OTOG: variants seen among roughly 807,000 people sequenced by gnomAD.
The protein encoded by OTOG is otogelin.
A neutral mutation model predicts 313.8 loss-of-function variants in OTOG; 296 were observed. That is an observed-to-expected ratio of 0.94 (90% confidence interval 0.86 to 1.04). The LOEUF (loss-of-function observed/expected upper bound fraction) is 1.04, where lower values mean the gene tolerates loss of function less well. Among genes scored for constraint, OTOG ranks in the 50% least tolerant of loss-of-function variants. The pLI is 0.00. For synonymous variants in OTOG, 1,533 were observed against 1,554.9 expected, an observed-to-expected ratio of 0.99 and a Z score of 0.33; for missense variants, 3,948 against 3,840.1, an observed-to-expected ratio of 1.03 and a Z score of -0.74.
rs116668827 is a variant in OTOG, at chr11:17,635,592, G to T, written c.7694-18G>T. Reference sequence around the variant, plus strand: ...ATGAGAGGACTGCTGTGACAGCATTGACCCTCTTCCCCCTCAGCCTGTGGT... The same window carrying T: ...ATGAGAGGACTGCTGTGACAGCATTTACCCTCTTCCCCCTCAGCCTGTGGT... On this transcript the variant is annotated intron_variant, in intron 46 of 55. Coordinates refer to ENST00000399397, the MANE Select transcript of OTOG (RefSeq NM_001292063.2). 9.3e-4 allele frequency: 1,431 copies of T among 1,542,064 alleles called. 19 individuals carry two copies. The African/African-American group carries it at 0.018, about 19-fold the overall frequency.
chr11:17,548,032 C>G, intron 2 of OTOG, 45 bp downstream of exon 2: 4 of 1,110,854 alleles, frequency 3.6e-6, no homozygotes, highest in Non-Finnish European at 4.9e-6. Context: ...AGCTCCCATC[C>G]GTATTTCTGG....
chr11:17,596,159 G>A lies in OTOG; in HGVS notation c.3525+5G>A. ...TTTGAGATCTGCCACCCTGTGGTGA[G>A]TGTACCCCAGCCTCGGCTCCTCCCG... On this transcript the variant is annotated splice_donor_5th_base_variant and intron_variant, in intron 29 of 55. Transcript: ENST00000399397. 6.5e-7 allele frequency: 1 copy of A among 1,543,704 alleles called. No homozygotes were observed. The highest frequency in any genetic ancestry group is 2.4e-5 in the East Asian group (1 of 40,862).
chr11:17,638,750 A>G (rs1847906103), intron 48 of OTOG: 2 of 1,542,850 alleles, frequency 1.3e-6, no homozygotes, highest in Non-Finnish European at 1.8e-6. Flanking sequence ...TCTCTCTAGG[A>G]TAAAAGAAGG....
chr11:17,597,736 T>C (rs1028927817), intron 30 of OTOG, among the ~76,000 whole-genome samples: 1 of 152,208 alleles, frequency 6.6e-6, no homozygotes, highest in Non-Finnish European at 1.5e-5. Context: ...TATTTTTTAT[T>C]TATTCCCACG....
At chr11:17,577,604 T>C (rs1852560929) in intron 22 of OTOG, among the ~76,000 whole-genome samples, 1 of 152,164 alleles carries the variant, frequency 6.6e-6, no homozygotes, top group African/African-American at 2.4e-5. Context: ...GGCCTTCATT[T>C]CCTCTTTGGC....
At chr11:17,579,625 T>G (rs1343632182) in intron 23 of OTOG, among the ~76,000 whole-genome samples, 1 of 152,222 alleles carries the variant, frequency 6.6e-6, no homozygotes, top group Non-Finnish European at 1.5e-5. Flanking sequence ...CAAGCAACCC[T>G]AGGCCTGACC....
At chr11:17,609,357 C>A (rs1853467174) in intron 35 of OTOG, 148 bp downstream of exon 35, 2 of 737,256 alleles carry the variant, frequency 2.7e-6, no homozygotes, top group South Asian at 3.6e-5. Flanking sequence ...ACAGGGGATG[C>A]AGAGGCCTCA....
In OTOG at chr11:17,634,251, A is replaced by G. The variant is rs1854204991; in HGVS notation, c.7450A>G (p.Lys2484Glu). The change falls in exon 44 of 56, where the codon AAG becomes GAG. Residue 2484 changes from lysine to glutamate, a missense_variant. By Grantham distance (56) the Lys-to-Glu change is moderately conservative. Transcript: ENST00000399397. Reference protein sequence around the residue: ...FGEVALLLPTKDPCCLGTVCV... With the variant: ...FGEVALLLPTEDPCCLGTVCV... Reference sequence around the variant, plus strand: ...GGAGGTGGCCTTGCTCCTACCCACCAAGGACCCCTGCTGCCTGGGGACTGT... The same window carrying G: ...GGAGGTGGCCTTGCTCCTACCCACCGAGGACCCCTGCTGCCTGGGGACTGT... 1.3e-6 allele frequency: 2 copies of G among 1,550,328 alleles called. No individual in the cohort carries two copies. The highest frequency in any genetic ancestry group is 2.0e-5 in the Admixed American group (1 of 50,992).
intron 19 of OTOG, among the ~76,000 whole-genome samples, 171 bp from the exon 20 acceptor site, chr11:17,574,549 G>T (rs917357078): frequency 2.6e-5 from 4 of 152,184 alleles, no homozygotes; most frequent in African/African-American, 9.7e-5. Flanking sequence ...GTGGGACTCT[G>T]GAGTCAGACC....
intron 39 of OTOG, among the ~76,000 whole-genome samples, chr11:17,624,558 G>A (rs185284214): frequency 1.2e-4 from 19 of 152,174 alleles, no homozygotes; most frequent in South Asian, 2.1e-4. Context: ...TACTGTAGCC[G>A]TGAAGTATAG....
rs1225030009 is a variant in OTOG, at chr11:17,606,033, G to A, written c.4054G>A (p.Ala1352Thr). Residue 1352 changes from alanine (A) to threonine (T), a missense_variant, in exon 33 of 56, where the codon GCC (alanine) becomes ACC (threonine). Coordinates refer to ENST00000399397, the MANE Select transcript of OTOG (RefSeq NM_001292063.2). ...QAGLVALESLAKPSSFLYVSG... is the reference protein window; with the variant it reads ...QAGLVALESLTKPSSFLYVSG... ...AGGCCTGGTGGCCCTGGAGTCCCTGGCCAAGCCCAGCTCCTTCCTCTATGT... is the reference window on the plus strand; with the variant it reads ...AGGCCTGGTGGCCCTGGAGTCCCTGACCAAGCCCAGCTCCTTCCTCTATGT... The A allele has an allele frequency of 6.4e-7, 1 of 1,550,506 alleles. No homozygotes were observed. Among genetic ancestry groups the A allele is most frequent in the Non-Finnish European group, 8.7e-7 (1 of 1,146,976 alleles).
chr11:17,633,814 T>C lies in OTOG; in HGVS notation c.7207T>C (p.Ser2403Pro). Residue 2403 changes from serine to proline, a missense_variant, in exon 43 of 56, where the codon TCC becomes CCC. Ser to Pro is a moderately conservative substitution (Grantham distance 74). Transcript: ENST00000399397. ...CQVLGEGCVCSEGTILHRRHS... is the reference protein window; with the variant it reads ...CQVLGEGCVCPEGTILHRRHS... ...GGTGCTGGGCGAGGGCTGCGTCTGC[T>C]CCGAGGGCACCATCTTACACCGGCG... 1 of 1,550,226 alleles carries C rather than the reference T, an allele frequency of 6.5e-7. No individual in the cohort carries two copies. The highest frequency in any genetic ancestry group is 8.7e-7 in the Non-Finnish European group (1 of 1,146,912).
At chr11:17,629,534 C>G (rs947879831) in intron 40 of OTOG, among the ~76,000 whole-genome samples, 3 of 152,226 alleles carry the variant, frequency 2.0e-5, no homozygotes, top group African/African-American at 7.2e-5. Context: ...CCAGTTGTCA[C>G]TTCAGCCGGG....
chr11:17,605,145 G>C (rs959201628), intron 32 of OTOG, among the ~76,000 whole-genome samples: 4 of 152,244 alleles, frequency 2.6e-5, no homozygotes, highest in African/African-American at 9.6e-5. Context: ...CACTCCCTGT[G>C]CCTGCTTGTG....
At chr11:17,579,513 G>A (rs907441548) in intron 23 of OTOG, among the ~76,000 whole-genome samples, 3 of 152,106 alleles carry the variant, frequency 2.0e-5, no homozygotes, top group Non-Finnish European at 4.4e-5. Flanking sequence ...AAGCCCAGCC[G>A]CTGGCCCAGA....
At position 17,563,862 on chromosome 11, in the gene OTOG, T is replaced by G. The variant is rs922845936; in HGVS notation, c.1644+2055T>G. ...CACCTGGCTAGTTTTTGGTTTTTTT[T>G]TTTTTTTTTTTTTTTGGTATTGTTG... On this transcript the variant is annotated intron_variant, in intron 15 of 55. Coordinates refer to ENST00000399397, the MANE Select transcript of OTOG (RefSeq NM_001292063.2). 8.8e-5 allele frequency among the ~76,000 whole-genome samples: 13 copies of G among 148,524 alleles called. 1 individual carries two copies. The East Asian group carries it at 1.2e-3, about 13-fold the overall frequency.
chr11:17,591,228 G>C (rs1032015535), intron 24 of OTOG, among the ~76,000 whole-genome samples: 9 of 152,150 alleles, frequency 5.9e-5, no homozygotes, highest in Admixed American at 2.0e-4. Flanking sequence ...TAAATGTCAG[G>C]CCCATTATTT....
At chr11:17,551,279 G>T (rs1347612687) in intron 3 of OTOG, among the ~76,000 whole-genome samples, 1 of 152,070 alleles carries the variant, frequency 6.6e-6, no homozygotes, top group Admixed American at 6.5e-5. Context: ...TGGTGTATAA[G>T]TCATCTAGTC....
intron 42 of OTOG, among the ~76,000 whole-genome samples, 154 bp downstream of exon 42, chr11:17,632,380 T>A (rs1854152604): frequency 6.6e-6 from 1 of 152,086 alleles, no homozygotes; most frequent in African/African-American, 2.4e-5. Flanking sequence ...AAATATTTCA[T>A]ATGTTTAATT....
Sources: allele counts gnomAD v4.1 joint callset (sites outside exome capture counted in the v4.1 genomes callset), GRCh38; gene constraint gnomAD v4.1.1; transcripts MANE v1.5; gene names NCBI Gene and HGNC (gene_info 2026-07-23, HGNC 2026-07-21).